The following ABAT variants were observed in gnomAD, a reference collection of about 807,000 sequenced individuals.
ABAT encodes 4-aminobutyrate aminotransferase.
A neutral mutation model predicts 64.6 loss-of-function variants in ABAT; 45 were observed. The ratio of observed to expected loss-of-function variants is 0.70; its 90% CI spans 0.55 to 0.89. The LOEUF is 0.89. Ranked by LOEUF, ABAT falls within the 40% of genes least tolerant of loss-of-function variation. The probability of loss-of-function intolerance (pLI) is 0.00; values close to 1 mark genes in which losing one functional copy is unlikely to be tolerated. For synonymous variants in ABAT, 297 were observed against 250.5 expected (o/e 1.19, Z -1.75); for missense variants, 633 against 658.4 (o/e 0.96, Z 0.42).
rs572603445 is a variant in ABAT at position 8,733,251 on chromosome 16, G to A, written c.-41-2448G>A. Among the ~76,000 whole-genome samples the A allele has an allele frequency of 3.0e-4, 46 of 151,460 alleles. 2 individuals carry two copies. The highest frequency in any genetic ancestry group is 1.0e-3 in the African/African-American group (41 of 40,922). ...TCAGACGGGGCGGCCGGGCAGAGAC[G>A]CTCCTCACTTCCTAGATGTGATGGC... is the stretch of plus-strand genomic sequence containing the variant. On this transcript the variant is annotated intron_variant, in intron 1 of 15. Transcript: ENST00000268251.
chr16:8,729,744 T>C (rs2058663883), intron 1 of ABAT, among the ~76,000 whole-genome samples: 2 of 151,346 alleles, frequency 1.3e-5, no homozygotes, highest in African/African-American at 4.9e-5. Flanking sequence ...GGAGGATCTC[T>C]TGAGCCCAGG....
At chr16:8,738,683 C>T (rs2059066429) in intron 2 of ABAT, among the ~76,000 whole-genome samples, 1 of 144,466 alleles carries the variant, frequency 6.9e-6, no homozygotes, top group Admixed American at 7.2e-5. Flanking sequence ...ACTCTGTTGG[C>T]CAGGCTGGAG....
intron 1 of ABAT, chr16:8,714,025 C>T (rs573658821): frequency 2.8e-5 from 11 of 397,120 alleles, no homozygotes; most frequent in Non-Finnish European, 4.2e-5. Flanking sequence ...TGTGTACATG[C>T]GTGCACATGT....
intron 1 of ABAT, among the ~76,000 whole-genome samples, chr16:8,731,155 G>T (rs561973152): frequency 2.4e-4 from 37 of 152,214 alleles, no homozygotes; most frequent in African/African-American, 8.2e-4. Flanking sequence ...TAGAGACAGG[G>T]TTTTACTGTG....
intron 5 of ABAT, among the ~76,000 whole-genome samples, chr16:8,756,009 A>T (rs953991096): frequency 7.9e-5 from 12 of 151,982 alleles, no homozygotes; most frequent in Non-Finnish European, 1.5e-5. Context: ...AGATTGCTCC[A>T]CTTCACTCCA....
At chr16:8,771,021 C>A (rs1040337231) in intron 11 of ABAT, among the ~76,000 whole-genome samples, 1 of 152,074 alleles carries the variant, frequency 6.6e-6, no homozygotes, top group African/African-American at 2.4e-5. Context: ...AAAAACCGGG[C>A]GCGGTGGCTC....
chr16:8,773,064 G>T (rs1261035250), intron 12 of ABAT, 147 bp downstream of exon 12: 3 of 963,058 alleles, frequency 3.1e-6, no homozygotes, highest in African/African-American at 3.3e-5. Context: ...GGGTGGAGAA[G>T]TTGGGGTTGG....
chr16:8,709,192 T>C lies in ABAT; in HGVS notation c.-41-26507T>C, dbSNP rs756312746. 4.6e-5 allele frequency among the ~76,000 whole-genome samples: 7 copies of C among 152,108 alleles called. No homozygotes were observed. In the East Asian group the frequency reaches 1.2e-3, roughly 25 times the overall value. ...CACGTCAGGTTAAATAGAATTAACATTAATTTCTTTATTTTCAGTGCTTTA... is the reference window on the plus strand; with the variant it reads ...CACGTCAGGTTAAATAGAATTAACACTAATTTCTTTATTTTCAGTGCTTTA... On this transcript the variant is annotated intron_variant, in intron 1 of 15. Coordinates refer to ENST00000268251, the MANE Select transcript of ABAT (RefSeq NM_020686.6).
At chr16:8,772,574 C>G (rs144450508) in intron 11 of ABAT, among the ~76,000 whole-genome samples, 2,774 of 152,318 alleles carry the variant, frequency 0.018, 51 homozygotes, top group Middle Eastern at 0.037. Context: ...TAGTTTGTAT[C>G]CACCCAGGTG....
At chr16:8,714,484 C>G (rs1309671402) in intron 1 of ABAT, 1 of 152,284 alleles carries the variant, frequency 6.6e-6, no homozygotes, top group East Asian at 1.9e-4. Context: ...CTCTTCACAT[C>G]TTGTGGCTGA....
intron 1 of ABAT, among the ~76,000 whole-genome samples, chr16:8,727,352 C>G (rs1337159832): frequency 2.0e-5 from 3 of 152,206 alleles, no homozygotes; most frequent in Non-Finnish European, 1.5e-5. Context: ...CACACCCACT[C>G]TCACTGTGCA....
intron 5 of ABAT, among the ~76,000 whole-genome samples, chr16:8,754,304 A>G (rs2059580023): frequency 6.6e-6 from 1 of 151,924 alleles, no homozygotes. Flanking sequence ...GCAGTGAGCC[A>G]TGATTACACC....
At chr16:8,758,252 T>C (rs1169182038) in intron 6 of ABAT, among the ~76,000 whole-genome samples, 1 of 152,162 alleles carries the variant, frequency 6.6e-6, no homozygotes, top group Admixed American at 6.6e-5. Context: ...TTGCCCGAGG[T>C]CACACAGCTA....
chr16:8,781,142 G>C lies in ABAT; in HGVS notation c.1382-167G>C. On this transcript the variant is annotated intron_variant, in intron 15 of 15. Coordinates refer to ENST00000268251, the MANE Select transcript of ABAT (RefSeq NM_020686.6). The surrounding 1 kb of genome is among the most constrained non-coding windows in gnomAD (Gnocchi z 4.5). Reference sequence around the variant, plus strand: ...GGGAGAGAGAAAGGAAATGAAGACTGGATGGGTGGGTGGTAGGAAGGAAGC... The same window carrying C: ...GGGAGAGAGAAAGGAAATGAAGACTCGATGGGTGGGTGGTAGGAAGGAAGC... 3.1e-6 allele frequency: 3 copies of C among 956,180 alleles called. No homozygotes were observed. In the South Asian group the frequency reaches 3.8e-5, roughly 12 times the overall value. 59.2% of individuals were successfully genotyped at this position (956,180 alleles called of 1,614,324 possible).
chr16:8,708,466 G>A (rs902302731), intron 1 of ABAT, among the ~76,000 whole-genome samples: 7 of 151,700 alleles, frequency 4.6e-5, no homozygotes, highest in African/African-American at 1.5e-4. Flanking sequence ...GGTGGGGGGC[G>A]CAGGTGGCTC....
At chr16:8,742,991 C>T (rs894803759) in intron 2 of ABAT, among the ~76,000 whole-genome samples, 29 of 124,780 alleles carry the variant, frequency 2.3e-4, no homozygotes, top group Admixed American at 1.6e-3. Flanking sequence ...GGCAACATAG[C>T]GAGACCTCAT....
chr16:8,684,293 C>A (rs1294653683), intron 1 of ABAT, among the ~76,000 whole-genome samples: 1 of 152,148 alleles, frequency 6.6e-6, no homozygotes, highest in African/African-American at 2.4e-5. Flanking sequence ...GAAGGATAGA[C>A]AGCGTATGGT....
At position 8,772,779 on chromosome 16, in the gene ABAT, G is replaced by C; in HGVS notation, c.817-1G>C. On this transcript the variant is annotated splice_acceptor_variant, in intron 11 of 15. Coordinates refer to ENST00000268251, the MANE Select transcript of ABAT (RefSeq NM_020686.6). LOFTEE classifies it high-confidence loss of function. Reference sequence around the variant, plus strand: ...TGGTCACTTTCCCCTTTGGGATCCAGGTGGAGGATCTGATTGTGAAATATC... The same window carrying C: ...TGGTCACTTTCCCCTTTGGGATCCACGTGGAGGATCTGATTGTGAAATATC... 1 of 1,614,124 alleles carries C rather than the reference G, an allele frequency of 6.2e-7. No individual in the cohort carries two copies. The highest frequency in any genetic ancestry group is 8.5e-7 in the Non-Finnish European group (1 of 1,180,012).
At chr16:8,778,908 C>G (rs2060347263) in intron 14 of ABAT, among the ~76,000 whole-genome samples, 1 of 152,162 alleles carries the variant, frequency 6.6e-6, no homozygotes, top group Non-Finnish European at 1.5e-5. Context: ...GTCATAGGTT[C>G]CAGGTAAACA....
Sources: allele counts gnomAD v4.1 joint callset (sites outside exome capture counted in the v4.1 genomes callset), GRCh38; gene constraint gnomAD v4.1.1; non-coding constraint Gnocchi (gnomAD v3.1); transcripts MANE v1.5; gene names NCBI Gene and HGNC (gene_info 2026-07-23, HGNC 2026-07-21).